ORC5: variants seen among roughly 807,000 people sequenced by gnomAD.
ORC5 encodes the protein protein phosphatase 1, regulatory subunit 117.
ORC5 carries 39 observed loss-of-function variants against 58.8 expected under a neutral mutation model. The observed-to-expected ratio is 0.66, with a 90% CI of 0.51 to 0.87. The LOEUF (loss-of-function observed/expected upper bound fraction) is 0.87, where lower values mean the gene tolerates loss of function less well. ORC5 is among the 40% of genes least tolerant of loss of function. The probability of loss-of-function intolerance (pLI) is 0.00; values close to 1 mark genes in which losing one functional copy is unlikely to be tolerated. For synonymous variants in ORC5, 218 were observed against 177.6 expected (o/e 1.23, Z -1.81); for missense variants, 493 against 506.3 (o/e 0.97, Z 0.25).
At chr7:104,130,758 C>CT (rs2115727915) in intron 13 of ORC5, among the ~76,000 whole-genome samples, 1 of 152,278 alleles carries the variant, frequency 6.6e-6, no homozygotes, top group Admixed American at 6.5e-5. Flanking sequence ...CAATTTATCC[C>CT]TTTTTTGCTA....
intron 13 of ORC5, 27 bp from the exon 14 acceptor site, chr7:104,126,920 A>G (rs746350561): frequency 9.2e-6 from 14 of 1,524,506 alleles, no homozygotes; most frequent in Non-Finnish European, 3.6e-6. Context: ...ATAATATGTT[A>G]GCATTCTCAC....
Position 104,129,059 on chromosome 7 carries a change from T to A in ORC5, c.1263-2166A>T, listed in dbSNP as rs1045160840. ...TCAATATGAAGATATACCAGCAATA[T>A]TAAGGGAGAAAGGGAGAAGAAATAA... On this transcript the variant is annotated intron_variant, in intron 13 of 13. Transcript: ENST00000297431. This position sits in a 1 kb window ranked among gnomAD's most constrained non-coding sequence, Gnocchi z 4.9. Among the ~76,000 whole-genome samples, 10 of 152,026 alleles carry A rather than the reference T, an allele frequency of 6.6e-5. No homozygotes were observed. The highest frequency in any genetic ancestry group is 1.5e-4 in the Non-Finnish European group (10 of 68,000).
Position 104,200,860 on chromosome 7 carries a change from A to G in ORC5, c.264T>C (p.Asp88=). Residue 88 remains aspartate, a synonymous_variant, in exon 3 of 14, where the codon GAT becomes GAC. Transcript: ENST00000297431. ...NKLNHLSSSE[D]GCSTEITCET... ...CACAGGTTATTTCAGTAGAACATCC[A>G]TCCTCTGAAGAACTAAGATGATTCA... 2 of 1,612,642 alleles carry G rather than the reference A, an allele frequency of 1.2e-6. No homozygotes were observed. Among genetic ancestry groups the G allele is most frequent in the Non-Finnish European group, 1.7e-6 (2 of 1,178,690 alleles).
In ORC5 at chr7:104,174,123, C is replaced by T. The variant is rs143527819; in HGVS notation, c.825-5598G>A. ...CCTCCCAAAGTGCTGGGATTACAGGCGTGAGCCACCGCGCCCGGCCGTAAA... is the reference window on the plus strand; with the variant it reads ...CCTCCCAAAGTGCTGGGATTACAGGTGTGAGCCACCGCGCCCGGCCGTAAA... On this transcript the variant is annotated intron_variant, in intron 8 of 13. Coordinates refer to ENST00000297431, the MANE Select transcript of ORC5 (RefSeq NM_002553.4). Among the ~76,000 whole-genome samples, 1,397 of 152,206 alleles carry T rather than the reference C, an allele frequency of 9.2e-3. 24 individuals carry two copies. Among genetic ancestry groups the T allele is most frequent in the African/African-American group, 0.032 (1,334 of 41,520 alleles).
chr7:104,168,728 A>ACCTT (rs993407755), intron 8 of ORC5, among the ~76,000 whole-genome samples: 4 of 152,018 alleles, frequency 2.6e-5, no homozygotes, highest in African/African-American at 9.7e-5. Flanking sequence ...ATAAAGCAAT[A>ACCTT]CCTAGATATT....
chr7:104,185,557 T>G (rs1023407841), intron 6 of ORC5, among the ~76,000 whole-genome samples: 1 of 152,272 alleles, frequency 6.6e-6, no homozygotes, highest in South Asian at 2.1e-4. Flanking sequence ...CTACCTGCGA[T>G]TGTTATAAAT....
At chr7:104,157,254 T>C (rs1798941865) in intron 12 of ORC5, among the ~76,000 whole-genome samples, 1 of 151,970 alleles carries the variant, frequency 6.6e-6, no homozygotes, top group African/African-American at 2.4e-5. Context: ...TCTTGGATAC[T>C]TTACTGACCA....
intron 6 of ORC5, chr7:104,187,934 T>G: frequency 9.9e-7 from 1 of 1,005,232 alleles, no homozygotes; most frequent in African/African-American, 1.7e-5. Flanking sequence ...TTTCTGTTAT[T>G]CCTCATTTTG....
chr7:104,164,385 T>C (rs889677418), intron 11 of ORC5, among the ~76,000 whole-genome samples: 1 of 152,148 alleles, frequency 6.6e-6, no homozygotes, highest in Non-Finnish European at 1.5e-5. Context: ...GATCACGCCA[T>C]TGCACTGCAG....
At chr7:104,146,026 G>A (rs1019218534) in intron 12 of ORC5, among the ~76,000 whole-genome samples, 1 of 152,196 alleles carries the variant, frequency 6.6e-6, no homozygotes, top group Non-Finnish European at 1.5e-5. Context: ...CTTCAAAGAA[G>A]AGCAAAAGGA....
At chr7:104,197,045 T>C (rs1799816297) in intron 4 of ORC5, among the ~76,000 whole-genome samples, 1 of 152,210 alleles carries the variant, frequency 6.6e-6, no homozygotes, top group Admixed American at 6.5e-5. Context: ...CTTTTCTTAT[T>C]GGGCCATGAC....
At chr7:104,183,895 C>T (rs1341102229) in intron 8 of ORC5, 48 bp downstream of exon 8, 3 of 1,224,382 alleles carry the variant, frequency 2.5e-6, no homozygotes, top group Admixed American at 3.8e-5. Flanking sequence ...GAGTATATAT[C>T]CCAAATAAAG....
chr7:104,181,708 C>A (rs141834106), intron 8 of ORC5, among the ~76,000 whole-genome samples: 6,748 of 150,698 alleles, frequency 0.045, 498 homozygotes, highest in African/African-American at 0.16. Context: ...AGGAGAATGG[C>A]GTGAACCCGG....
chr7:104,153,571 C>T (rs1798879107), intron 12 of ORC5, among the ~76,000 whole-genome samples: 3 of 152,104 alleles, frequency 2.0e-5, no homozygotes, highest in Admixed American at 6.6e-5. Context: ...ACATAACTTA[C>T]CTTAATAGCA....
At chr7:104,195,659 G>A (rs985375700) in intron 4 of ORC5, among the ~76,000 whole-genome samples, 2 of 152,112 alleles carry the variant, frequency 1.3e-5, no homozygotes, top group Non-Finnish European at 2.9e-5. Context: ...TCAAAGTGCT[G>A]GAATTATAGG....
At chr7:104,207,802 C>G (rs372158625) in intron 1 of ORC5, 31 bp downstream of exon 1, 56 of 1,598,310 alleles carry the variant, frequency 3.5e-5, no homozygotes, top group Non-Finnish European at 5.1e-6. Context: ...CGTCTGCCTC[C>G]AGGATCTGGA....
At chr7:104,144,491 C>T (rs1447030615) in intron 12 of ORC5, among the ~76,000 whole-genome samples, 1 of 152,200 alleles carries the variant, frequency 6.6e-6, no homozygotes, top group Non-Finnish European at 1.5e-5. Flanking sequence ...AGCAGTGGCT[C>T]ACACCTGTAA....
intron 3 of ORC5, among the ~76,000 whole-genome samples, chr7:104,199,547 C>T (rs1450586086): frequency 6.6e-6 from 1 of 152,240 alleles, no homozygotes; most frequent in Non-Finnish European, 1.5e-5. Context: ...TTTCTTGGGG[C>T]CTACAGCCCC....
rs1798472308 is a variant in ORC5 at position 104,129,026 on chromosome 7, CAAAAT to C, written c.1263-2138_1263-2134del. The stretch of plus-strand genomic sequence containing the variant: ...TTTGATGAAATATTATACAGCCATA[CAAAAT>C]GATCAATATGAAGATATACCAGCAA... On this transcript the variant is annotated intron_variant, in intron 13 of 13. Coordinates refer to ENST00000297431, the MANE Select transcript of ORC5 (RefSeq NM_002553.4). The surrounding 1 kb of genome is among the most constrained non-coding windows in gnomAD (Gnocchi z 4.9). 6.6e-6 allele frequency among the ~76,000 whole-genome samples: 1 copy of C among 151,316 alleles called. No homozygotes were observed. Among genetic ancestry groups the C allele is most frequent in the African/African-American group, 2.4e-5 (1 of 41,118 alleles).
Sources: allele counts gnomAD v4.1 joint callset (sites outside exome capture counted in the v4.1 genomes callset), GRCh38; gene constraint gnomAD v4.1.1; non-coding constraint Gnocchi (gnomAD v3.1); transcripts MANE v1.5; gene names NCBI Gene and HGNC (gene_info 2026-07-23, HGNC 2026-07-21).